GRID2: variants seen among roughly 807,000 people sequenced by gnomAD.
GRID2 encodes the protein glutamate receptor ionotropic, delta-2.
GRID2 carries 33 observed loss-of-function variants against 114.8 expected under a neutral mutation model. That is an observed-to-expected ratio of 0.29 (90% CI 0.22 to 0.38). GRID2 has a LOEUF of 0.38. Among genes scored for constraint, GRID2 ranks in the 10% least tolerant of loss-of-function variants. The probability of loss-of-function intolerance (pLI) is 1.00; values close to 1 mark genes in which losing one functional copy is unlikely to be tolerated. For missense variants in GRID2, 1,184 were observed against 1,257.7 expected (o/e 0.94, Z 0.89); for synonymous variants, 505 against 449.9 (o/e 1.12, Z -1.55).
chr4:92,439,602 A>C lies in GRID2; in HGVS notation c.88+134858A>C, dbSNP rs561928111. Among the ~76,000 whole-genome samples the C allele has an allele frequency of 1.3e-4, 19 of 146,194 alleles. 1 individual carries two copies. Among genetic ancestry groups the C allele is most frequent in the Non-Finnish European group, 2.5e-4 (16 of 64,752 alleles). On this transcript the variant is annotated intron_variant, in intron 1 of 15. Coordinates refer to ENST00000282020, the MANE Select transcript of GRID2 (RefSeq NM_001510.4). ...GGGAGGTCTTGTGGTAAGGGGTGAT[A>C]TTGTGGGGATGTAAGAAGAAACATT...
At chr4:92,726,387 A>G (rs889583995) in intron 2 of GRID2, among the ~76,000 whole-genome samples, 2 of 152,084 alleles carry the variant, frequency 1.3e-5, no homozygotes, top group African/African-American at 2.4e-5. Context: ...TTTCAGCTTC[A>G]TTATAATCTT....
intron 1 of GRID2, among the ~76,000 whole-genome samples, chr4:92,358,026 T>C (rs1439704376): frequency 6.6e-6 from 1 of 151,930 alleles, no homozygotes; most frequent in Non-Finnish European, 1.5e-5. Context: ...TCCAGCTTAC[T>C]TCATGGTATA....
chr4:93,427,989 T>A (rs1769017811), intron 10 of GRID2, among the ~76,000 whole-genome samples: 1 of 152,012 alleles, frequency 6.6e-6, no homozygotes, highest in Non-Finnish European at 1.5e-5. Flanking sequence ...CACAGAGAAC[T>A]TTCAATAAGA....
At chr4:92,572,798 C>T (rs750684613) in intron 1 of GRID2, among the ~76,000 whole-genome samples, 4 of 151,986 alleles carry the variant, frequency 2.6e-5, no homozygotes, top group Middle Eastern at 3.4e-3. Context: ...TTTCTTGTAT[C>T]TGTCAGATTT....
intron 2 of GRID2, among the ~76,000 whole-genome samples, chr4:92,638,741 A>G (rs1579738077): frequency 6.6e-6 from 1 of 150,516 alleles, no homozygotes; most frequent in African/African-American, 2.4e-5. Context: ...ATCTATTGAA[A>G]GGGATATTTG....
intron 11 of GRID2, 88 bp downstream of exon 11, chr4:93,456,062 C>A: frequency 1.3e-6 from 1 of 771,854 alleles, no homozygotes; most frequent in East Asian, 2.5e-5. Context: ...GGTTCTGTAT[C>A]TGACATCAAT....
chr4:93,312,643 A>G (rs1259464364), intron 8 of GRID2, among the ~76,000 whole-genome samples: 1 of 152,228 alleles, frequency 6.6e-6, no homozygotes, highest in Non-Finnish European at 1.5e-5. Flanking sequence ...TTTCAATGCT[A>G]AAAATATTTC....
At chr4:93,667,968 CA>C (rs1413886365) in intron 14 of GRID2, among the ~76,000 whole-genome samples, 1 of 151,934 alleles carries the variant, frequency 6.6e-6, no homozygotes, top group African/African-American at 2.4e-5. Context: ...TCAAGATTAT[CA>C]AATGTAATGA....
chr4:92,510,148 A>G (rs1203924461), intron 1 of GRID2, among the ~76,000 whole-genome samples: 2 of 151,956 alleles, frequency 1.3e-5, no homozygotes, highest in East Asian at 3.9e-4. Flanking sequence ...GTAATAGTGA[A>G]TGATAGTAAC....
At chr4:93,353,713 T>G (rs1761027339) in intron 8 of GRID2, among the ~76,000 whole-genome samples, 2 of 151,944 alleles carry the variant, frequency 1.3e-5, no homozygotes, top group African/African-American at 2.4e-5. Flanking sequence ...ATTCCAAAGG[T>G]GTTTTAAAAA....
At chr4:93,239,723 A>T (rs1394634428) in intron 8 of GRID2, among the ~76,000 whole-genome samples, 1 of 151,612 alleles carries the variant, frequency 6.6e-6, no homozygotes, top group Non-Finnish European at 1.5e-5. Context: ...AATAGCCAGG[A>T]TTCTCAACCC....
intron 1 of GRID2, among the ~76,000 whole-genome samples, chr4:92,390,163 T>C (rs2110258387): frequency 6.6e-6 from 1 of 152,224 alleles, no homozygotes; most frequent in East Asian, 1.9e-4. Context: ...GGAAGACAGA[T>C]AGAAACAAAC....
At chr4:93,516,224 T>A (rs1578170263) in intron 13 of GRID2, among the ~76,000 whole-genome samples, 1 of 152,240 alleles carries the variant, frequency 6.6e-6, no homozygotes, top group East Asian at 1.9e-4. Flanking sequence ...TGCAGAATAA[T>A]TTGGACTCCA....
At chr4:92,686,952 T>C (rs1452813486) in intron 2 of GRID2, among the ~76,000 whole-genome samples, 1 of 152,150 alleles carries the variant, frequency 6.6e-6, no homozygotes, top group Non-Finnish European at 1.5e-5. Context: ...TTTTAAATTA[T>C]TTGAATGTTT....
chr4:93,616,121 T>C lies in GRID2; in HGVS notation c.2194-10148T>C, dbSNP rs576987226. On this transcript the variant is annotated intron_variant, in intron 13 of 15. Coordinates refer to ENST00000282020, the MANE Select transcript of GRID2 (RefSeq NM_001510.4). The stretch of plus-strand genomic sequence containing the variant: ...AAAATCCTCAAGTTTTTCTGCACAT[T>C]TTGAGGTAACTGAAAAGTGATCAAA... Among the ~76,000 whole-genome samples the C allele has an allele frequency of 2.0e-5, 3 of 152,286 alleles. No homozygotes were observed. In the South Asian group the frequency reaches 6.2e-4, roughly 32 times the overall value.
intron 4 of GRID2, among the ~76,000 whole-genome samples, chr4:93,172,760 C>T (rs1387891823): frequency 6.6e-6 from 1 of 152,074 alleles, no homozygotes; most frequent in Non-Finnish European, 1.5e-5. Context: ...TTTAAAGAAT[C>T]TAAGTTAAGA....
At position 93,221,548 on chromosome 4, in the gene GRID2, T is replaced by A. The variant is rs572430974; in HGVS notation, c.964-3066T>A. On this transcript the variant is annotated intron_variant, in intron 6 of 15. Coordinates refer to ENST00000282020, the MANE Select transcript of GRID2 (RefSeq NM_001510.4). ...GTGTTGGTTGAGGCCTAAGTAGAAG[T>A]GAAGATCATCTGTACAGAAATTGAA... 2.0e-5 allele frequency among the ~76,000 whole-genome samples: 3 copies of A among 152,270 alleles called. No individual in the cohort carries two copies. In the South Asian group the frequency reaches 6.2e-4, roughly 32 times the overall value.
rs898145004 is a variant in GRID2 at position 92,727,171 on chromosome 4, T to C, written c.244+136885T>C. Among the ~76,000 whole-genome samples, 4 of 152,214 alleles carry C rather than the reference T, an allele frequency of 2.6e-5. No individual in the cohort carries two copies. In the East Asian group the frequency reaches 5.8e-4, roughly 22 times the overall value. ...ACATTCAGTCAACTAATGTTTATCA[T>C]GTACTTACTAAATGTGAAGTCATAG... On this transcript the variant is annotated intron_variant, in intron 2 of 15. Coordinates refer to ENST00000282020, the MANE Select transcript of GRID2 (RefSeq NM_001510.4).
At position 92,834,308 on chromosome 4, in the gene GRID2, C is replaced by T. The variant is rs546706760; in HGVS notation, c.244+244022C>T. 2.0e-5 allele frequency among the ~76,000 whole-genome samples: 3 copies of T among 152,214 alleles called. No homozygotes were observed. The East Asian group carries it at 5.8e-4, about 29-fold the overall frequency. ...GTCTAAGGAATTTCATTTCATATCT[C>T]AGGCAAAGATAATAAAACCATTTTT... On this transcript the variant is annotated intron_variant, in intron 2 of 15. Coordinates refer to ENST00000282020, the MANE Select transcript of GRID2 (RefSeq NM_001510.4).
Sources: gnomAD v4.1 joint callset for allele counts (sites outside exome capture counted in the v4.1 genomes callset) on GRCh38, gnomAD v4.1.1 for gene constraint, MANE v1.5 for transcripts, NCBI Gene and HGNC (gene_info 2026-07-23, HGNC 2026-07-21) for gene names.